RASAL2: variants seen among roughly 807,000 people sequenced by gnomAD.
The protein encoded by RASAL2 is ras GTPase-activating protein nGAP.
Under a neutral mutation model 128.9 loss-of-function variants are expected in RASAL2, and 58 were observed. That is an observed-to-expected ratio of 0.45 (90% CI 0.36 to 0.56). RASAL2 has a LOEUF of 0.56. Among genes scored for constraint, RASAL2 ranks in the 20% least tolerant of loss-of-function variants. The probability of loss-of-function intolerance (pLI) is 0.00; values close to 1 mark genes in which losing one functional copy is unlikely to be tolerated. For missense variants in RASAL2, 1,360 were observed against 1,601.6 expected, an observed-to-expected ratio of 0.85 and a Z score of 2.57; for synonymous variants, 561 against 580.8, an observed-to-expected ratio of 0.97 and a Z score of 0.49.
chr1:178,322,319 T>C (rs369293347), intron 3 of RASAL2, among the ~76,000 whole-genome samples: 3 of 152,204 alleles, frequency 2.0e-5, no homozygotes, highest in East Asian at 3.8e-4. Flanking sequence ...GGTCTTATCC[T>C]TACCCTTTTT....
At position 178,458,407 on chromosome 1, in the gene RASAL2, G is replaced by T; in HGVS notation, c.3115G>T (p.Gly1039Trp). 2 of 1,614,202 alleles carry T rather than the reference G, an allele frequency of 1.2e-6. No homozygotes were observed. Among genetic ancestry groups the T allele is most frequent in the Non-Finnish European group, 1.7e-6 (2 of 1,180,036 alleles). The change falls in exon 14 of 18, where the codon GGG (glycine) becomes TGG (tryptophan). Residue 1039 changes from glycine to tryptophan, a missense_variant. Transcript: ENST00000367649. ...LPHSASLRST[G>W]SMSVVSAALV... The stretch of plus-strand genomic sequence containing the variant: ...ACACAGTGCTTCTTTACGTAGCACC[G>T]GGAGCATGTCAGTGGTGTCCGCAGC...
At chr1:178,150,870 T>C (rs1660890152) in intron 1 of RASAL2, among the ~76,000 whole-genome samples, 2 of 152,314 alleles carry the variant, frequency 1.3e-5, no homozygotes, top group East Asian at 1.9e-4. Flanking sequence ...TCAGCTGTTA[T>C]ACTGTAAATA....
At chr1:178,297,870 T>A (rs183240297) in intron 2 of RASAL2, among the ~76,000 whole-genome samples, 42 of 152,254 alleles carry the variant, frequency 2.8e-4, no homozygotes, top group African/African-American at 9.1e-4. Flanking sequence ...ACAAAATATG[T>A]CCTCATAGAA....
At chr1:178,352,440 G>A (rs1474534190) in intron 3 of RASAL2, among the ~76,000 whole-genome samples, 2 of 152,186 alleles carry the variant, frequency 1.3e-5, no homozygotes, top group African/African-American at 2.4e-5. Flanking sequence ...GATGTGAGAG[G>A]TGGGCTCCCA....
intron 1 of RASAL2, among the ~76,000 whole-genome samples, chr1:178,148,460 A>AT (rs1660803459): frequency 6.6e-6 from 1 of 151,632 alleles, no homozygotes. Flanking sequence ...TTATTTATTT[A>AT]TTTTTTGAGA....
chr1:178,172,684 G>C (rs1661742318), intron 1 of RASAL2, among the ~76,000 whole-genome samples: 1 of 152,050 alleles, frequency 6.6e-6, no homozygotes, highest in Admixed American at 6.6e-5. Context: ...TTGTATTTCA[G>C]TATGTAAACA....
intron 1 of RASAL2, among the ~76,000 whole-genome samples, chr1:178,135,698 A>G (rs890276520): frequency 6.6e-6 from 1 of 152,132 alleles, no homozygotes; most frequent in Non-Finnish European, 1.5e-5. Flanking sequence ...AGACTGGGCA[A>G]TTTACAAAAT....
At chr1:178,174,267 A>G (rs1661810303) in intron 1 of RASAL2, among the ~76,000 whole-genome samples, 1 of 152,076 alleles carries the variant, frequency 6.6e-6, no homozygotes, top group South Asian at 2.1e-4. Context: ...ATTTTAGAAT[A>G]CTATATCTGT....
At chr1:178,430,854 A>C (rs1675841859) in intron 5 of RASAL2, among the ~76,000 whole-genome samples, 1 of 151,388 alleles carries the variant, frequency 6.6e-6, no homozygotes. Flanking sequence ...TGTTGATACG[A>C]ATCCTAACTT....
intron 3 of RASAL2, among the ~76,000 whole-genome samples, chr1:178,361,516 A>T (rs559872897): frequency 5.2e-4 from 79 of 152,140 alleles, no homozygotes; most frequent in African/African-American, 1.8e-3. Context: ...GGCCCTTCAT[A>T]TCTCTGGGTT....
At position 178,313,955 on chromosome 1, in the gene RASAL2, C is replaced by T. The variant is rs139587201; in HGVS notation, c.457+13837C>T. On this transcript the variant is annotated intron_variant, in intron 3 of 17. Transcript: ENST00000367649. ...CAATAAAAACAACCTCTATTGGATG[C>T]TTCAGGAATGTTTTAAGAAGATATT... is the stretch of plus-strand genomic sequence containing the variant. Among the ~76,000 whole-genome samples, 1,223 of 152,238 alleles carry T rather than the reference C, an allele frequency of 8.0e-3. 10 individuals are homozygous for T. The highest frequency in any genetic ancestry group is 0.027 in the Middle Eastern group (8 of 294).
At position 178,260,366 on chromosome 1, in the gene RASAL2, ATATATATAT is replaced by A. The variant is rs1665632788; in HGVS notation, c.203-23197_203-23189del. On this transcript the variant is annotated intron_variant, in intron 1 of 17. Coordinates refer to ENST00000367649, the MANE Select transcript of RASAL2 (RefSeq NM_170692.4). The stretch of plus-strand genomic sequence containing the variant: ...GACTCGTCTCAAAAAAAAAAAAAAT[ATATATATAT>A]ATATATATATATATATATATATATA... Among the ~76,000 whole-genome samples the A allele has an allele frequency of 1.3e-3, 26 of 19,294 alleles. 4 individuals are homozygous for A. The highest frequency in any genetic ancestry group is 2.3e-3 in the African/African-American group (11 of 4,840). The allele number at this position is 19,294 out of a possible 152,430, so 12.7% of individuals were successfully genotyped here.
At chr1:178,460,125 G>A (rs1678073918) in intron 14 of RASAL2, among the ~76,000 whole-genome samples, 1 of 152,116 alleles carries the variant, frequency 6.6e-6, no homozygotes, top group Admixed American at 6.6e-5. Context: ...TCAGAATACT[G>A]TGTAGAAGCA....
intron 1 of RASAL2, among the ~76,000 whole-genome samples, chr1:178,233,797 G>A (rs1045390464): frequency 1.3e-5 from 2 of 152,146 alleles, no homozygotes; most frequent in African/African-American, 4.8e-5. Context: ...TATTTCATCC[G>A]TGGCATTTTC....
chr1:178,174,994 T>C (rs1369128184), intron 1 of RASAL2, among the ~76,000 whole-genome samples: 3 of 152,166 alleles, frequency 2.0e-5, no homozygotes, highest in African/African-American at 7.2e-5. Flanking sequence ...TAAGATGAGA[T>C]AGAATCATAT....
intron 1 of RASAL2, among the ~76,000 whole-genome samples, chr1:178,267,435 C>T (rs1166848327): frequency 6.7e-6 from 1 of 150,124 alleles, no homozygotes; most frequent in Non-Finnish European, 1.5e-5. Flanking sequence ...TATTATTATG[C>T]CATGCTGAGT....
At chr1:178,227,756 T>A (rs1369744547) in intron 1 of RASAL2, among the ~76,000 whole-genome samples, 2 of 152,214 alleles carry the variant, frequency 1.3e-5, no homozygotes. Context: ...GTGCTTTAAA[T>A]GTTATAAATT....
intron 3 of RASAL2, among the ~76,000 whole-genome samples, chr1:178,327,723 CA>C (rs1669103101): frequency 6.6e-6 from 1 of 152,048 alleles, no homozygotes; most frequent in Admixed American, 6.5e-5. Context: ...CCTAGAAAAA[CA>C]GTATAGAAAT....
At chr1:178,130,238 C>T (rs1327145149) in intron 1 of RASAL2, among the ~76,000 whole-genome samples, 2 of 152,058 alleles carry the variant, frequency 1.3e-5, no homozygotes, top group Non-Finnish European at 2.9e-5. Flanking sequence ...GACTTCTACC[C>T]AAATTTTAAC....
Sources: allele counts gnomAD v4.1 joint callset (sites outside exome capture counted in the v4.1 genomes callset), GRCh38; gene constraint gnomAD v4.1.1; transcripts MANE v1.5; gene names NCBI Gene and HGNC (gene_info 2026-07-23, HGNC 2026-07-21).